The following PCDHGA7 variants were observed in gnomAD, a reference collection of about 807,000 sequenced individuals.
PCDHGA7 encodes protocadherin gamma subfamily A, 7.
In PCDHGA7, 44 loss-of-function variants were observed where a neutral mutation model predicts 58.3. The ratio of observed to expected loss-of-function variants is 0.75; its 90% CI spans 0.59 to 0.97. The LOEUF (loss-of-function observed/expected upper bound fraction) is 0.97, where lower values mean the gene tolerates loss of function less well. PCDHGA7 is among the 50% of genes least tolerant of loss of function. The pLI, the probability that PCDHGA7 is intolerant of heterozygous loss-of-function variation, is 0.00. For missense variants in PCDHGA7, 1,266 were observed against 1,188.7 expected, an observed-to-expected ratio of 1.06 and a Z score of -0.96; for synonymous variants, 516 against 504.2, an observed-to-expected ratio of 1.02 and a Z score of -0.31.
Position 141,485,943 on chromosome 5 carries a change from C to T in PCDHGA7, c.2425-8864C>T, listed in dbSNP as rs750871245. On this transcript the variant is annotated intron_variant, in intron 1 of 3. Transcript: ENST00000518325. This position sits in a 1 kb window ranked among gnomAD's most constrained non-coding sequence, Gnocchi z 5.7. Reference sequence around the variant, plus strand: ...ATTAGTGTGTTGGAGAGCGCACCAGCGGGCATGGTGCTCATCCAGCTCAAT... The same window carrying T: ...ATTAGTGTGTTGGAGAGCGCACCAGTGGGCATGGTGCTCATCCAGCTCAAT... The T allele has an allele frequency of 1.9e-6, 3 of 1,614,126 alleles. No homozygotes were observed. In the South Asian group the frequency reaches 3.3e-5, roughly 18 times the overall value.
At chr5:141,422,665 C>T in intron 1 of PCDHGA7, 2 of 1,608,390 alleles carry the variant, frequency 1.2e-6, no homozygotes, top group Non-Finnish European at 8.5e-7. Context: ...CGCCCTCGAC[C>T]CGGACAGCAA....
intron 1 of PCDHGA7, chr5:141,400,199 C>G (rs1561675523): frequency 2.5e-6 from 4 of 1,614,048 alleles, no homozygotes; most frequent in Admixed American, 1.7e-5. Flanking sequence ...CTAGTGGTGG[C>G]CTTGGCCTTG....
chr5:141,440,883 T>C (rs1435173649), intron 1 of PCDHGA7: 4 of 152,178 alleles, frequency 2.6e-5, no homozygotes, highest in Non-Finnish European at 5.9e-5. Flanking sequence ...AGCGTCGGCC[T>C]TCAGGAAGAT....
intron 1 of PCDHGA7, among the ~76,000 whole-genome samples, chr5:141,445,746 TA>T (rs1486411811): frequency 2.0e-5 from 3 of 152,028 alleles, no homozygotes; most frequent in Non-Finnish European, 4.4e-5. Flanking sequence ...TTTTAAAAAA[TA>T]AAAGGTGTGA....
intron 1 of PCDHGA7, chr5:141,415,863 G>T (rs1321470910): frequency 2.7e-5 from 30 of 1,107,154 alleles, no homozygotes; most frequent in Non-Finnish European, 3.6e-5. Context: ...GTAGTTTATA[G>T]TGTTGTTGAG....
Position 141,477,439 on chromosome 5 carries a change from A to C in PCDHGA7, c.2425-17368A>C. 1 of 1,614,142 alleles carries C rather than the reference A, an allele frequency of 6.2e-7. No homozygotes were observed. Among genetic ancestry groups the C allele is most frequent in the Non-Finnish European group, 8.5e-7 (1 of 1,180,016 alleles). On this transcript the variant is annotated intron_variant, in intron 1 of 3. Transcript: ENST00000518325. This position sits in a 1 kb window ranked among gnomAD's most constrained non-coding sequence, Gnocchi z 4.9. ...GAACCCCTTCCCTCTCAGCCCTTAC[A>C]ATAGTGCGTGTTCAAGTGTCCGACA... is the stretch of plus-strand genomic sequence containing the variant.
intron 1 of PCDHGA7, chr5:141,413,287 T>C (rs937508313): frequency 6.2e-7 from 1 of 1,613,950 alleles, no homozygotes. Flanking sequence ...GATCTCCTAC[T>C]CAATTCCTGA....
chr5:141,399,213 T>C (rs2093770836), intron 1 of PCDHGA7: 1 of 1,613,852 alleles, frequency 6.2e-7, no homozygotes, highest in Non-Finnish European at 8.5e-7. Context: ...GAACACTAAT[T>C]GCTTTGATCA....
rs773383689 is a variant in PCDHGA7, at chr5:141,383,358, G to T, written c.459G>T (p.Pro153=). 5 of 1,613,982 alleles carry T rather than the reference G, an allele frequency of 3.1e-6. No individual in the cohort carries two copies. The South Asian group carries it at 3.3e-5, about 11-fold the overall frequency. ...ATACAGCTCCTGGGGTTCGGTTTCC[G>T]TTAAGCGAGGCTGGGGATCCAGATG... The part of the protein sequence containing the change: ...MENTAPGVRF[P]LSEAGDPDVG... Residue 153 remains proline (P), a synonymous_variant, in exon 1 of 4, where the codon CCG becomes CCT. Transcript: ENST00000518325.
At chr5:141,494,654 G>A in intron 1 of PCDHGA7, 153 bp from the exon 2 acceptor site, 1 of 966,640 alleles carries the variant, frequency 1.0e-6, no homozygotes, top group South Asian at 4.8e-5. Context: ...GGTGTATTTT[G>A]TCTTTGGAGA....
intron 1 of PCDHGA7, chr5:141,478,174 G>GA (rs1156842877): frequency 3.7e-6 from 6 of 1,613,692 alleles, no homozygotes; most frequent in South Asian, 1.1e-5. Context: ...CCCGGGAGCA[G>GA]AAAAAAAATC....
chr5:141,389,789 C>T (rs1437335316), intron 1 of PCDHGA7: 6 of 1,613,328 alleles, frequency 3.7e-6, no homozygotes, highest in Admixed American at 3.3e-5. Flanking sequence ...ACAGGGACGC[C>T]GTCCGCCAGC....
At chr5:141,407,328 A>G (rs1016529734) in intron 1 of PCDHGA7, among the ~76,000 whole-genome samples, 1 of 152,210 alleles carries the variant, frequency 6.6e-6, no homozygotes, top group Admixed American at 6.5e-5. Flanking sequence ...ATTTATAAAT[A>G]TTGAAATGTA....
intron 1 of PCDHGA7, among the ~76,000 whole-genome samples, chr5:141,472,243 T>A (rs1276064128): frequency 6.6e-6 from 1 of 152,190 alleles, no homozygotes; most frequent in East Asian, 1.9e-4. Context: ...TCACTTTCTA[T>A]TTTAAAGTTA....
chr5:141,399,133 G>T (rs1054849184), intron 1 of PCDHGA7: 2 of 1,613,832 alleles, frequency 1.2e-6, no homozygotes, highest in African/African-American at 1.3e-5. Flanking sequence ...TATTCAAGAT[G>T]AAAATGACAA....
chr5:141,481,348 T>C (rs2099536105), intron 1 of PCDHGA7, among the ~76,000 whole-genome samples: 1 of 152,250 alleles, frequency 6.6e-6, no homozygotes, highest in Non-Finnish European at 1.5e-5. Flanking sequence ...TATTTAAACA[T>C]CTACAGCTGT....
intron 1 of PCDHGA7, chr5:141,393,452 G>A (rs189963623): frequency 6.2e-7 from 1 of 1,614,030 alleles, no homozygotes; most frequent in Non-Finnish European, 8.5e-7. Context: ...TGGTCCTCAC[G>A]GCCTCGGATG....
intron 1 of PCDHGA7, chr5:141,418,431 A>T (rs751083183): frequency 1.9e-6 from 3 of 1,614,000 alleles, no homozygotes; most frequent in East Asian, 2.2e-5. Flanking sequence ...GGTGGCAAAT[A>T]TCCAGAATTA....
At chr5:141,462,813 TTGG>T (rs1474162732) in intron 1 of PCDHGA7, among the ~76,000 whole-genome samples, 1 of 152,198 alleles carries the variant, frequency 6.6e-6, no homozygotes, top group African/African-American at 2.4e-5. Flanking sequence ...AATGTTTTTA[TTGG>T]ACAGCAGACA....
Sources: gnomAD v4.1 joint callset for allele counts (sites outside exome capture counted in the v4.1 genomes callset) on GRCh38, gnomAD v4.1.1 for gene constraint, Gnocchi (gnomAD v3.1) non-coding constraint, MANE v1.5 for transcripts, NCBI Gene and HGNC (gene_info 2026-07-23, HGNC 2026-07-21) for gene names.